The following MAGI1 variants were observed in gnomAD, a reference collection of about 807,000 sequenced individuals.
The protein encoded by MAGI1 is membrane-associated guanylate kinase, WW and PDZ domain-containing protein 1.
In MAGI1, 58 loss-of-function variants were observed where a neutral mutation model predicts 139.9. That is an observed-to-expected ratio of 0.41 (90% CI 0.34 to 0.52). The LOEUF is 0.52. Among genes scored for constraint, MAGI1 ranks in the 20% least tolerant of loss-of-function variants. The pLI is 0.12. For synonymous variants in MAGI1, 812 were observed against 737.9 expected (o/e 1.10, Z -1.63); for missense variants, 1,874 against 1,901.6 (o/e 0.99, Z 0.27).
chr3:65,750,590 G>A (rs2036064609), intron 1 of MAGI1, among the ~76,000 whole-genome samples: 1 of 152,194 alleles, frequency 6.6e-6, no homozygotes. Flanking sequence ...ACTCTGAGAA[G>A]TCAAATTTTG....
intron 1 of MAGI1, among the ~76,000 whole-genome samples, chr3:65,807,589 G>T (rs536777112): frequency 6.6e-6 from 1 of 152,250 alleles, no homozygotes; most frequent in African/African-American, 2.4e-5. Flanking sequence ...TAACTAACAT[G>T]CTATATATTG....
intron 1 of MAGI1, among the ~76,000 whole-genome samples, chr3:65,893,287 G>T (rs1225184890): frequency 6.6e-6 from 1 of 151,194 alleles, no homozygotes; most frequent in African/African-American, 2.4e-5. Context: ...AAAAAAAAAT[G>T]TGAAATAAAT....
chr3:65,425,824 G>C (rs1947002504), intron 12 of MAGI1, among the ~76,000 whole-genome samples: 1 of 152,076 alleles, frequency 6.6e-6, no homozygotes, highest in South Asian at 2.1e-4. Context: ...GAGGGGCACA[G>C]GTAGTTACGC....
chr3:65,763,462 A>G (rs984568106), intron 1 of MAGI1, among the ~76,000 whole-genome samples: 36 of 152,208 alleles, frequency 2.4e-4, no homozygotes, highest in African/African-American at 8.2e-4. Flanking sequence ...GGTGAAGGTA[A>G]AAGTTTGCCT....
At chr3:65,389,940 C>T (rs1338087196) in intron 14 of MAGI1, among the ~76,000 whole-genome samples, 1 of 152,246 alleles carries the variant, frequency 6.6e-6, no homozygotes, top group African/African-American at 2.4e-5. Flanking sequence ...CCAGGCTCAC[C>T]TCTGCCCCCC....
chr3:65,516,718 C>CTTTTTTTTT lies in MAGI1; in HGVS notation c.431-23096_431-23088dup, dbSNP rs71102867. Reference sequence around the variant, plus strand: ...GGAAGAAACATAGTACATCCCACCTCTTTTTTTTTTTTTTTTTTTTTTTTT... The same window carrying CTTTTTTTTT: ...GGAAGAAACATAGTACATCCCACCTCTTTTTTTTTTTTTTTTTTTTTTTTTTTTTTTTTT... On this transcript the variant is annotated intron_variant, in intron 2 of 22. Transcript: ENST00000402939. Among the ~76,000 whole-genome samples the CTTTTTTTTT allele has an allele frequency of 1.6e-3, 105 of 66,994 alleles. 9 individuals carry two copies. The highest frequency in any genetic ancestry group is 3.3e-3 in the East Asian group (6 of 1,808). 44.0% of individuals were successfully genotyped at this position (66,994 alleles called of 152,430 possible). A position where few individuals can be genotyped will look rare whatever the true frequency, so the allele number is the denominator to read the frequency against.
chr3:65,759,586 G>C lies in MAGI1; in HGVS notation c.314-137498C>G, dbSNP rs560923020. On this transcript the variant is annotated intron_variant, in intron 1 of 22. Coordinates refer to ENST00000402939, the MANE Select transcript of MAGI1 (RefSeq NM_001033057.2). ...TCTATCTCAGCCAGCAGCAGTGGGT[G>C]GGGGGTAGAAGAGGCTGATTTCAAG... 4.6e-4 allele frequency among the ~76,000 whole-genome samples: 70 copies of C among 152,298 alleles called. 1 individual carries two copies. The highest frequency in any genetic ancestry group is 1.5e-3 in the African/African-American group (64 of 41,564).
At chr3:66,001,469 C>G (rs1187883596) in intron 1 of MAGI1, among the ~76,000 whole-genome samples, 1 of 152,136 alleles carries the variant, frequency 6.6e-6, no homozygotes, top group Non-Finnish European at 1.5e-5. Flanking sequence ...AAAAGAGTAT[C>G]AGCCTCACAG....
At position 65,738,707 on chromosome 3, in the gene MAGI1, C is replaced by T. The variant is rs13086872; in HGVS notation, c.314-116619G>A. 3.1e-3 allele frequency among the ~76,000 whole-genome samples: 465 copies of T among 152,344 alleles called. 4 individuals are homozygous for T. Among genetic ancestry groups the T allele is most frequent in the Non-Finnish European group, 6.0e-3 (408 of 68,040 alleles). On this transcript the variant is annotated intron_variant, in intron 1 of 22. Transcript: ENST00000402939. ...CATTCATCTCCATGTACATCTCCAT[C>T]AGAGCTCTTGGGTGACCAGGTGCCT...
chr3:65,752,982 C>T (rs893629002), intron 1 of MAGI1, among the ~76,000 whole-genome samples: 4 of 152,148 alleles, frequency 2.6e-5, no homozygotes, highest in African/African-American at 9.7e-5. Context: ...CCTGATCTCC[C>T]TCCTCTACTG....
At chr3:65,371,672 A>C (rs548598390) in intron 18 of MAGI1, among the ~76,000 whole-genome samples, 9 of 152,230 alleles carry the variant, frequency 5.9e-5, no homozygotes, top group Non-Finnish European at 1.2e-4. Flanking sequence ...AATTGGAGTC[A>C]ATCCTCTCAG....
At chr3:65,894,961 A>G (rs1158160571) in intron 1 of MAGI1, among the ~76,000 whole-genome samples, 3 of 152,238 alleles carry the variant, frequency 2.0e-5, no homozygotes, top group Non-Finnish European at 4.4e-5. Flanking sequence ...CATGAGTTCA[A>G]AATAACACAC....
chr3:65,597,934 G>GT (rs907218471), intron 2 of MAGI1: 4 of 416,970 alleles, frequency 9.6e-6, no homozygotes, highest in Non-Finnish European at 1.9e-5. Flanking sequence ...GTGGGGGGGG[G>GT]GTGGGACCGA....
intron 3 of MAGI1, among the ~76,000 whole-genome samples, chr3:65,489,696 C>T (rs1212073106): frequency 6.6e-6 from 1 of 152,074 alleles, no homozygotes; most frequent in Admixed American, 6.5e-5. Flanking sequence ...GAAAGATCTC[C>T]AGGGTATGTT....
intron 1 of MAGI1, among the ~76,000 whole-genome samples, chr3:65,773,578 A>C (rs1486486014): frequency 6.6e-6 from 1 of 152,034 alleles, no homozygotes; most frequent in Non-Finnish European, 1.5e-5. Flanking sequence ...TGGTAGGTAA[A>C]CTCAGAATAC....
At chr3:66,010,076 T>TC (rs200457489) in intron 1 of MAGI1, among the ~76,000 whole-genome samples, 33 of 10,992 alleles carry the variant, frequency 3.0e-3, no homozygotes, top group African/African-American at 5.2e-3. Flanking sequence ...ACTCTCTGTC[T>TC]CAAAAAAAAA....
Position 65,593,150 on chromosome 3 carries a change from A to G in MAGI1, c.430+28822T>C, listed in dbSNP as rs1479439490. 2.1e-5 allele frequency among the ~76,000 whole-genome samples: 3 copies of G among 145,334 alleles called. No homozygotes were observed. The East Asian group carries it at 6.7e-4, about 32-fold the overall frequency. ...TGGAGTGTTAAGCCTCATAAAAAGG[A>G]GTTTAAATGTTTACAGACTTTTTTG... is the stretch of plus-strand genomic sequence containing the variant. On this transcript the variant is annotated intron_variant, in intron 2 of 22. Coordinates refer to ENST00000402939, the MANE Select transcript of MAGI1 (RefSeq NM_001033057.2).
chr3:65,637,828 A>G (rs1248759300), intron 1 of MAGI1, among the ~76,000 whole-genome samples: 1 of 152,128 alleles, frequency 6.6e-6, no homozygotes, highest in African/African-American at 2.4e-5. Flanking sequence ...GCTCTGGTTT[A>G]TTGCATTCAT....
chr3:65,870,152 T>C (rs1162253517), intron 1 of MAGI1, among the ~76,000 whole-genome samples: 1 of 152,116 alleles, frequency 6.6e-6, no homozygotes, highest in Non-Finnish European at 1.5e-5. Context: ...TGTTGACAAA[T>C]GTGCGTAATG....
Sources: allele counts gnomAD v4.1 joint callset (sites outside exome capture counted in the v4.1 genomes callset), GRCh38; gene constraint gnomAD v4.1.1; transcripts MANE v1.5; gene names NCBI Gene and HGNC (gene_info 2026-07-23, HGNC 2026-07-21).